SNTB2: variants seen among roughly 807,000 people sequenced by gnomAD.
SNTB2 encodes the protein beta-2-syntrophin.
Under a neutral mutation model 46.2 loss-of-function variants are expected in SNTB2, and 34 were observed. That is an observed-to-expected ratio of 0.74 (90% CI 0.56 to 0.98). The LOEUF is 0.98. Among genes scored for constraint, SNTB2 ranks in the 50% least tolerant of loss-of-function variants. SNTB2 has a pLI of 0.00. For synonymous variants in SNTB2, 290 were observed against 312.6 expected, an observed-to-expected ratio of 0.93 and a Z score of 0.76; for missense variants, 603 against 731.4, an observed-to-expected ratio of 0.82 and a Z score of 2.02.
intron 3 of SNTB2, among the ~76,000 whole-genome samples, chr16:69,266,352 A>G (rs1964883991): frequency 6.6e-6 from 1 of 152,192 alleles, no homozygotes; most frequent in South Asian, 2.1e-4. Flanking sequence ...CAACAGAGTG[A>G]GAGTCTATTG....
At chr16:69,295,691 G>T (rs1965216806) in intron 5 of SNTB2, among the ~76,000 whole-genome samples, 1 of 145,582 alleles carries the variant, frequency 6.9e-6, no homozygotes, top group African/African-American at 2.6e-5. Flanking sequence ...TATCCCGTCA[G>T]AAAAGGGCCA....
At chr16:69,202,104 C>T (rs1158484364) in intron 1 of SNTB2, among the ~76,000 whole-genome samples, 5 of 152,184 alleles carry the variant, frequency 3.3e-5, no homozygotes, top group African/African-American at 4.8e-5. Flanking sequence ...TTTCAGTTAT[C>T]CCTTCACATT....
At chr16:69,254,173 G>A (rs1292369405) in intron 2 of SNTB2, among the ~76,000 whole-genome samples, 1 of 152,134 alleles carries the variant, frequency 6.6e-6, no homozygotes, top group Non-Finnish European at 1.5e-5. Flanking sequence ...GGTGGGATGA[G>A]GGTGATTCTG....
intron 4 of SNTB2, among the ~76,000 whole-genome samples, chr16:69,281,281 G>C (rs567091561): frequency 3.6e-4 from 54 of 150,576 alleles, no homozygotes; most frequent in Admixed American, 2.2e-3. Flanking sequence ...CCCCAGGCTG[G>C]AGTGCAATGG....
At chr16:69,245,869 A>G (rs1032782837) in intron 2 of SNTB2, 54 bp downstream of exon 2, 26 of 1,534,576 alleles carry the variant, frequency 1.7e-5, no homozygotes, top group African/African-American at 2.7e-5. Context: ...ACTTAAGGAC[A>G]TGTTGCAGTA....
chr16:69,190,007 A>G (rs1163975162), intron 1 of SNTB2, among the ~76,000 whole-genome samples: 1 of 152,246 alleles, frequency 6.6e-6, no homozygotes. Context: ...AAGTCAATAT[A>G]GTAGATTTAC....
rs142207568 is a variant in SNTB2, at chr16:69,213,712, C to A, written c.580+25966C>A. On this transcript the variant is annotated intron_variant, in intron 1 of 6. Coordinates refer to ENST00000336278, the MANE Select transcript of SNTB2 (RefSeq NM_006750.4). ...ATGGGGTTTCACCATGCTGGCCAGGCTGGTCTGGAACTCCTGACCTTGTGT... is the reference window on the plus strand; with the variant it reads ...ATGGGGTTTCACCATGCTGGCCAGGATGGTCTGGAACTCCTGACCTTGTGT... Among the ~76,000 whole-genome samples, 1,151 of 150,540 alleles carry A rather than the reference C, an allele frequency of 7.6e-3. 13 individuals carry two copies. Among genetic ancestry groups the A allele is most frequent in the African/African-American group, 0.025 (1,035 of 40,972 alleles).
At chr16:69,214,288 G>A (rs149675589) in intron 1 of SNTB2, among the ~76,000 whole-genome samples, 14 of 150,900 alleles carry the variant, frequency 9.3e-5, no homozygotes, top group Admixed American at 4.0e-4. Context: ...GCACCACCAC[G>A]CCTGGCTAAT....
At chr16:69,249,971 C>T (rs1319196987) in intron 2 of SNTB2, among the ~76,000 whole-genome samples, 4 of 151,946 alleles carry the variant, frequency 2.6e-5, no homozygotes, top group South Asian at 2.1e-4. Flanking sequence ...TGGTGGTGCA[C>T]GCCTGTAATC....
At position 69,296,550 on chromosome 16, in the gene SNTB2, G is replaced by A. The variant is rs1466147508; in HGVS notation, c.1346-3040G>A. On this transcript the variant is annotated intron_variant, in intron 5 of 6. Transcript: ENST00000336278. ...AGCCTGGCCAACATGGTGAAACCCT[G>A]TCTCTACTAAAAATACAAAAAATCA... 1.5e-4 allele frequency among the ~76,000 whole-genome samples: 22 copies of A among 148,772 alleles called. No homozygotes were observed. The South Asian group carries it at 4.5e-3, about 31-fold the overall frequency.
intron 1 of SNTB2, chr16:69,235,872 T>C: frequency 7.8e-7 from 1 of 1,287,486 alleles, no homozygotes; most frequent in Non-Finnish European, 1.0e-6. Context: ...CTACAACTGT[T>C]CTTGGAGTTG....
chr16:69,236,674 C>CA (rs1358176091), intron 1 of SNTB2, among the ~76,000 whole-genome samples: 4,194 of 119,364 alleles, frequency 0.035, 154 homozygotes, highest in African/African-American at 0.11. Context: ...TTTACAATTA[C>CA]AAAAAAAAAA....
chr16:69,212,778 G>A (rs1333818765), intron 1 of SNTB2, among the ~76,000 whole-genome samples: 1 of 152,118 alleles, frequency 6.6e-6, no homozygotes, highest in Non-Finnish European at 1.5e-5. Flanking sequence ...GGGATTACAG[G>A]CATGCACTAC....
In SNTB2 at chr16:69,260,098, C is replaced by G. The variant is rs779869602; in HGVS notation, c.843C>G (p.Arg281=). ...SPDSRNTLIL[R]CKDTATAHSW... ...ATAGCAGGAACACGTTGATCCTACGCTGCAAAGATACAGCCACAGCACACT... is the reference window on the plus strand; with the variant it reads ...ATAGCAGGAACACGTTGATCCTACGGTGCAAAGATACAGCCACAGCACACT... Residue 281 remains arginine, a synonymous_variant, in exon 3 of 7, where the codon CGC becomes CGG. Coordinates refer to ENST00000336278, the MANE Select transcript of SNTB2 (RefSeq NM_006750.4). 6.2e-7 allele frequency: 1 copy of G among 1,613,934 alleles called. No individual in the cohort carries two copies. The highest frequency in any genetic ancestry group is 1.1e-5 in the South Asian group (1 of 91,076).
At chr16:69,211,786 T>C (rs1200356877) in intron 1 of SNTB2, among the ~76,000 whole-genome samples, 1 of 152,132 alleles carries the variant, frequency 6.6e-6, no homozygotes, top group African/African-American at 2.4e-5. Context: ...GGTCACAGGG[T>C]TGTGATGTGT....
chr16:69,254,653 A>G (rs1424177218), intron 2 of SNTB2, among the ~76,000 whole-genome samples: 2 of 152,180 alleles, frequency 1.3e-5, no homozygotes, highest in Non-Finnish European at 2.9e-5. Flanking sequence ...ATCTTTACAA[A>G]ATACATATCC....
intron 5 of SNTB2, among the ~76,000 whole-genome samples, chr16:69,293,609 G>T (rs1418430936): frequency 6.6e-6 from 1 of 152,202 alleles, no homozygotes; most frequent in Non-Finnish European, 1.5e-5. Context: ...GAGGAGGAGA[G>T]AGGGGGAGTG....
At chr16:69,271,094 C>T (rs1353189876) in intron 4 of SNTB2, among the ~76,000 whole-genome samples, 4 of 152,162 alleles carry the variant, frequency 2.6e-5, no homozygotes, top group Non-Finnish European at 5.9e-5. Context: ...GCAGAGTATT[C>T]TTTGCATTAC....
intron 3 of SNTB2, among the ~76,000 whole-genome samples, chr16:69,262,293 G>A (rs1423853731): frequency 1.3e-5 from 2 of 151,614 alleles, no homozygotes; most frequent in African/African-American, 4.8e-5. Context: ...GAGGGTAGGG[G>A]ATATTTCTTT....
Sources: gnomAD v4.1 joint callset for allele counts (sites outside exome capture counted in the v4.1 genomes callset) on GRCh38, gnomAD v4.1.1 for gene constraint, MANE v1.5 for transcripts, NCBI Gene and HGNC (gene_info 2026-07-23, HGNC 2026-07-21) for gene names.